Variants in NEDD9 observed in about 807,000 individuals in gnomAD.
The protein encoded by NEDD9 is enhancer of filamentation 1.
NEDD9 carries 26 observed loss-of-function variants against 76.6 expected under a neutral mutation model. That is an observed-to-expected ratio of 0.34 (90% CI 0.25 to 0.47). The LOEUF is 0.47. Among genes scored for constraint, NEDD9 ranks in the 20% least tolerant of loss-of-function variants. The pLI is 1.00. For missense variants in NEDD9, 937 were observed against 1,058.5 expected, an observed-to-expected ratio of 0.89 and a Z score of 1.59; for synonymous variants, 392 against 414.2, an observed-to-expected ratio of 0.95 and a Z score of 0.65.
At chr6:11,209,982 C>CTTTTTTTTTTT (rs1462229268) in intron 2 of NEDD9, among the ~76,000 whole-genome samples, 3 of 42,052 alleles carry the variant, frequency 7.1e-5, no homozygotes, top group Non-Finnish European at 1.1e-4. Flanking sequence ...TTTTTTTTTC[C>CTTTTTTTTTTT]TTAAGTGATT....
At chr6:11,308,482 G>A (rs2113429346) in intron 2 of NEDD9, among the ~76,000 whole-genome samples, 1 of 145,564 alleles carries the variant, frequency 6.9e-6, no homozygotes, top group African/African-American at 2.6e-5. Context: ...CCATTCTCCT[G>A]CCTCAGCCTC....
intron 1 of NEDD9, among the ~76,000 whole-genome samples, chr6:11,337,621 T>C (rs1762190007): frequency 6.6e-6 from 1 of 152,182 alleles, no homozygotes; most frequent in South Asian, 2.1e-4. Context: ...CCTGCATTAT[T>C]TTATGTGTCT....
chr6:11,336,460 G>A (rs1762163578), intron 1 of NEDD9, among the ~76,000 whole-genome samples: 1 of 152,144 alleles, frequency 6.6e-6, no homozygotes, highest in Admixed American at 6.5e-5. Context: ...AAGTATTTGT[G>A]TATGTAAATA....
At chr6:11,297,222 C>T (rs1760921984) in intron 3 of NEDD9, among the ~76,000 whole-genome samples, 1 of 150,380 alleles carries the variant, frequency 6.6e-6, no homozygotes, top group Admixed American at 6.6e-5. Flanking sequence ...TGTTTAACTA[C>T]CAGCTCTTTG....
chr6:11,307,774 A>G (rs1424768774), intron 2 of NEDD9, among the ~76,000 whole-genome samples: 2 of 152,198 alleles, frequency 1.3e-5, no homozygotes, highest in East Asian at 3.8e-4. Context: ...GACATAGAGT[A>G]CTGCCAGGAC....
intron 1 of NEDD9, among the ~76,000 whole-genome samples, chr6:11,216,349 A>G (rs1033515249): frequency 2.6e-5 from 4 of 151,992 alleles, no homozygotes; most frequent in Admixed American, 6.6e-5. Context: ...ACATCCAGCC[A>G]CTCTCCTAAA....
At chr6:11,236,474 A>G (rs115562612), upstream of NEDD9, among the ~76,000 whole-genome samples, 1,851 of 152,350 alleles carry the variant, frequency 0.012, 38 homozygotes, top group African/African-American at 0.042. The surrounding 1 kb of genome is among the most constrained non-coding windows in gnomAD (Gnocchi z 5.5). Flanking sequence ...ACAACTTGGA[A>G]TGAACCCACG....
chr6:11,304,301 A>G (rs947614279), intron 3 of NEDD9, among the ~76,000 whole-genome samples: 1 of 152,216 alleles, frequency 6.6e-6, no homozygotes, highest in Non-Finnish European at 1.5e-5. Context: ...AAAAGTCAGG[A>G]AACAACAGAT....
At chr6:11,197,783 C>T (rs957807577) in intron 2 of NEDD9, among the ~76,000 whole-genome samples, 7 of 152,142 alleles carry the variant, frequency 4.6e-5, no homozygotes, top group African/African-American at 1.4e-4. Context: ...CAGATCCTGG[C>T]GGCATGAGTT....
At chr6:11,236,475 T>G (rs948567959), upstream of NEDD9, among the ~76,000 whole-genome samples, 26 of 152,206 alleles carry the variant, frequency 1.7e-4, no homozygotes, top group African/African-American at 5.8e-4. This position sits in a 1 kb window ranked among gnomAD's most constrained non-coding sequence, Gnocchi z 5.5. Context: ...CAACTTGGAA[T>G]GAACCCACGT....
chr6:11,230,259 T>A (rs1759429168), intron 1 of NEDD9, among the ~76,000 whole-genome samples: 1 of 152,246 alleles, frequency 6.6e-6, no homozygotes, highest in Non-Finnish European at 1.5e-5. Context: ...ACACTGGCCA[T>A]ATTTTAGAGA....
chr6:11,243,522 C>G (rs1382524397), intron 3 of NEDD9, among the ~76,000 whole-genome samples: 7 of 152,186 alleles, frequency 4.6e-5, no homozygotes, highest in African/African-American at 1.7e-4. Flanking sequence ...AGGGGAACCC[C>G]CAGCCTCCAT....
chr6:11,346,233 TG>T (rs2113528440), intron 1 of NEDD9, among the ~76,000 whole-genome samples: 1 of 152,344 alleles, frequency 6.6e-6, no homozygotes, highest in South Asian at 2.1e-4. Context: ...CAAACATGGC[TG>T]TGAATGTAAT....
chr6:11,382,153 G>A (rs1763074961), exon 1 of NEDD9: 3 of 152,212 alleles, frequency 2.0e-5, no homozygotes, highest in Admixed American at 1.3e-4. Flanking sequence ...GTGTAGGATG[G>A]AACCGCTGGT....
Position 11,213,445 on chromosome 6 carries a change from C to G in NEDD9, c.295G>C (p.Ala99Pro). 4.3e-6 allele frequency: 7 copies of G among 1,614,054 alleles called. No individual in the cohort carries two copies. Among genetic ancestry groups the G allele is most frequent in the Non-Finnish European group, 5.9e-6 (7 of 1,180,022 alleles). ...TGGTAGATGGTGTCTCGGGGAGCAGCCTGTGGGTTTGGCACTTGATAGAGC... is the reference window on the plus strand; with the variant it reads ...TGGTAGATGGTGTCTCGGGGAGCAGGCTGTGGGTTTGGCACTTGATAGAGC... ...QKLYQVPNPQ[A>P]APRDTIYQVP... The change falls in exon 2 of 7, where the codon GCT (alanine) becomes CCT (proline). Residue 99 changes from alanine to proline, a missense_variant. Transcript: ENST00000379446. This position sits in a 1 kb window ranked among gnomAD's most constrained non-coding sequence, Gnocchi z 5.4.
At chr6:11,373,781 C>T (rs894290924) in intron 1 of NEDD9, among the ~76,000 whole-genome samples, 3 of 152,206 alleles carry the variant, frequency 2.0e-5, no homozygotes, top group African/African-American at 7.2e-5. Flanking sequence ...GCAAAGCTAT[C>T]TTCTTTAAAA....
intron 1 of NEDD9, among the ~76,000 whole-genome samples, chr6:11,365,807 A>G (rs911484982): frequency 1.3e-5 from 2 of 151,624 alleles, no homozygotes; most frequent in African/African-American, 4.9e-5. Flanking sequence ...CCTGGCCAAC[A>G]TGGTGAAACC....
At chr6:11,212,652 CA>C (rs1758817381) in intron 2 of NEDD9, among the ~76,000 whole-genome samples, 1 of 152,224 alleles carries the variant, frequency 6.6e-6, no homozygotes, top group Non-Finnish European at 1.5e-5. Context: ...TGTTTTCACC[CA>C]CTGCCTCAGG....
Position 11,213,749 on chromosome 6 carries a change from G to A in NEDD9, c.13-22C>T, listed in dbSNP as rs1170545712. ...GATTCTAGGAGGGAAGGAAGAGAAGGAAACCGTGTTAGAATATTGGGTCGG... is the reference window on the plus strand; with the variant it reads ...GATTCTAGGAGGGAAGGAAGAGAAGAAAACCGTGTTAGAATATTGGGTCGG... On this transcript the variant is annotated intron_variant, in intron 1 of 6. Transcript: ENST00000379446. This position sits in a 1 kb window ranked among gnomAD's most constrained non-coding sequence, Gnocchi z 5.4. 6.2e-7 allele frequency: 1 copy of A among 1,609,718 alleles called. No individual in the cohort carries two copies. Among genetic ancestry groups the A allele is most frequent in the African/African-American group, 1.3e-5 (1 of 74,884 alleles).
Sources: allele counts gnomAD v4.1 joint callset (sites outside exome capture counted in the v4.1 genomes callset), GRCh38; gene constraint gnomAD v4.1.1; non-coding constraint Gnocchi (gnomAD v3.1); transcripts MANE v1.5; gene names NCBI Gene and HGNC (gene_info 2026-07-23, HGNC 2026-07-21).